Variants in MEGF10 observed in about 807,000 individuals in gnomAD.
MEGF10 encodes multiple EGF like domains 10, also known as multiple epidermal growth factor-like domains protein 10.
MEGF10 carries 86 observed loss-of-function variants against 147.5 expected under a neutral mutation model. The ratio of observed to expected loss-of-function variants is 0.58; its 90% confidence interval spans 0.49 to 0.70. The LOEUF is 0.70. Ranked by LOEUF, MEGF10 falls within the 30% of genes least tolerant of loss-of-function variation. The pLI is 0.00. For synonymous variants in MEGF10, 478 were observed against 525.5 expected (o/e 0.91, Z 1.24); for missense variants, 1,329 against 1,487.3 (o/e 0.89, Z 1.75).
chr5:127,392,722 G>A (rs976831329), intron 5 of MEGF10, among the ~76,000 whole-genome samples: 3 of 152,142 alleles, frequency 2.0e-5, no homozygotes, highest in Non-Finnish European at 4.4e-5. Context: ...AGTTATAACC[G>A]TAAGGGTTCC....
intron 1 of MEGF10, among the ~76,000 whole-genome samples, chr5:127,312,136 C>T (rs1303502070): frequency 2.6e-5 from 4 of 152,128 alleles, no homozygotes; most frequent in African/African-American, 9.7e-5. Context: ...TCATGGTCTC[C>T]AGGGAAGCAT....
At chr5:127,334,277 G>T (rs996291020) in intron 2 of MEGF10, among the ~76,000 whole-genome samples, 1 of 152,042 alleles carries the variant, frequency 6.6e-6, no homozygotes, top group Admixed American at 6.6e-5. Flanking sequence ...GTACCCAATG[G>T]CTCAGAACCA....
intron 1 of MEGF10, among the ~76,000 whole-genome samples, chr5:127,322,470 T>C (rs1039581045): frequency 6.6e-6 from 1 of 152,216 alleles, no homozygotes; most frequent in Non-Finnish European, 1.5e-5. Context: ...TGCTATCTGT[T>C]ATCCCCATTC....
At chr5:127,263,315 G>C in the MEGF10 span, among the ~76,000 whole-genome samples, 5 of 147,682 alleles carry the variant, frequency 3.4e-5, no homozygotes, top group African/African-American at 1.2e-4. Flanking sequence ...CTCGGGGGGG[G>C]GGTAAAATTA....
chr5:127,268,167 C>T, the MEGF10 span, among the ~76,000 whole-genome samples: 2 of 152,144 alleles, frequency 1.3e-5, no homozygotes, highest in African/African-American at 2.4e-5. Context: ...GCCTTCATTT[C>T]GTTATGTACC....
At chr5:127,403,533 G>T (rs1764209116) in intron 8 of MEGF10, among the ~76,000 whole-genome samples, 1 of 152,082 alleles carries the variant, frequency 6.6e-6, no homozygotes, top group Non-Finnish European at 1.5e-5. Flanking sequence ...GTAGGTCTTA[G>T]TCATTCTTTC....
intron 4 of MEGF10, among the ~76,000 whole-genome samples, chr5:127,364,545 C>T (rs1362181401): frequency 6.6e-6 from 1 of 152,116 alleles, no homozygotes; most frequent in African/African-American, 2.4e-5. Flanking sequence ...ACATATTAAA[C>T]TGAAGAAAAA....
chr5:127,437,637 A>G (rs1008959611), intron 16 of MEGF10, among the ~76,000 whole-genome samples: 1 of 152,198 alleles, frequency 6.6e-6, no homozygotes, highest in African/African-American at 2.4e-5. Flanking sequence ...TATTTCACAG[A>G]TACTTTATCT....
intron 1 of MEGF10, among the ~76,000 whole-genome samples, chr5:127,326,775 A>T (rs1163444350): frequency 6.6e-6 from 1 of 152,220 alleles, no homozygotes; most frequent in Non-Finnish European, 1.5e-5. Flanking sequence ...ACTTAGAGAT[A>T]TGTGAGAGAA....
At chr5:127,389,805 A>G (rs1000153056) in intron 5 of MEGF10, among the ~76,000 whole-genome samples, 1 of 152,166 alleles carries the variant, frequency 6.6e-6, no homozygotes, top group Non-Finnish European at 1.5e-5. Flanking sequence ...AGGATCAGAA[A>G]AAAATAACTA....
chr5:127,365,133 G>T lies in MEGF10; in HGVS notation c.320-4777G>T, dbSNP rs1441124205. ...TAGCGTCAGAATAAAAGGAACTTCT[G>T]GTGACAGATAGGTTAGCTGGAAGGT... On this transcript the variant is annotated intron_variant, in intron 4 of 24. Transcript: ENST00000503335. Among the ~76,000 whole-genome samples the T allele has an allele frequency of 6.6e-5, 10 of 152,150 alleles. No homozygotes were observed. The East Asian group carries it at 1.9e-3, about 29-fold the overall frequency.
At chr5:127,373,325 T>G (rs1487316616) in intron 5 of MEGF10, among the ~76,000 whole-genome samples, 1 of 152,188 alleles carries the variant, frequency 6.6e-6, no homozygotes, top group Non-Finnish European at 1.5e-5. Context: ...CTAATTTTTG[T>G]ATTTTTAGCA....
At chr5:127,397,288 T>C (rs1309423618) in intron 6 of MEGF10, among the ~76,000 whole-genome samples, 1 of 152,224 alleles carries the variant, frequency 6.6e-6, no homozygotes, top group African/African-American at 2.4e-5. Context: ...ACATACATTA[T>C]TTAATGCTCA....
chr5:127,383,311 T>C (rs1037955050), intron 5 of MEGF10, among the ~76,000 whole-genome samples: 3 of 152,104 alleles, frequency 2.0e-5, no homozygotes, highest in Admixed American at 2.0e-4. Flanking sequence ...TAGCATTCCA[T>C]TATATTAGCA....
intron 4 of MEGF10, among the ~76,000 whole-genome samples, chr5:127,341,110 T>A (rs1761665366): frequency 6.6e-6 from 1 of 152,116 alleles, no homozygotes; most frequent in African/African-American, 2.4e-5. Context: ...CATCACAAAA[T>A]AGAACTTCTT....
At chr5:127,396,029 G>A (rs67854568) in intron 5 of MEGF10, among the ~76,000 whole-genome samples, 25,441 of 151,916 alleles carry the variant, frequency 0.17, 2,265 homozygotes, top group African/African-American at 0.23. Flanking sequence ...GCCTCTCATC[G>A]TCAGCTCCTT....
chr5:127,230,608 G>C, the MEGF10 span, among the ~76,000 whole-genome samples: 1 of 152,074 alleles, frequency 6.6e-6, no homozygotes, highest in Non-Finnish European at 1.5e-5. Context: ...GGAGAATGTG[G>C]GACTGACCAA....
chr5:127,270,978 G>A, the MEGF10 span, among the ~76,000 whole-genome samples: 1 of 152,198 alleles, frequency 6.6e-6, no homozygotes, highest in South Asian at 2.1e-4. Flanking sequence ...ATCATTGATG[G>A]TTAATTCCAT....
At chr5:127,336,865 T>C (rs1016163696) in intron 2 of MEGF10, among the ~76,000 whole-genome samples, 1 of 152,102 alleles carries the variant, frequency 6.6e-6, no homozygotes, top group Non-Finnish European at 1.5e-5. Context: ...TGCTCATAGG[T>C]GATGTAGGAC....
Sources: allele counts gnomAD v4.1 joint callset (sites outside exome capture counted in the v4.1 genomes callset), GRCh38; gene constraint gnomAD v4.1.1; transcripts MANE v1.5; gene names NCBI Gene and HGNC (gene_info 2026-07-23, HGNC 2026-07-21).